The following NR1I3 variants were observed in gnomAD, a reference collection of about 807,000 sequenced individuals.
The protein encoded by NR1I3 is constitutive activator of retinoid response.
A neutral mutation model predicts 38.4 loss-of-function variants in NR1I3; 30 were observed. The ratio of observed to expected loss-of-function variants is 0.78; its 90% CI spans 0.58 to 1.06. NR1I3 has a LOEUF of 1.06. NR1I3 is among the 50% of genes least tolerant of loss of function. NR1I3 has a pLI of 0.00. For synonymous variants in NR1I3, 143 were observed against 165.1 expected (o/e 0.87, Z 1.03); for missense variants, 388 against 435.7 (o/e 0.89, Z 0.97).
intron 5 of NR1I3, among the ~76,000 whole-genome samples, chr1:161,232,047 C>G (rs1171721006): frequency 6.6e-6 from 1 of 151,160 alleles, no homozygotes; most frequent in African/African-American, 2.4e-5. Context: ...GATGTAGTGG[C>G]CTGATCTCGG....
At chr1:161,230,208 A>T (rs1415015361) in intron 8 of NR1I3, 7 of 422,002 alleles carry the variant, frequency 1.7e-5, no homozygotes, top group African/African-American at 1.2e-4. Context: ...AACTCCAACC[A>T]TGTGGAATCT....
rs538625865 is a variant in NR1I3, at chr1:161,231,114, C to T, written c.811+3G>A. 2.5e-6 allele frequency: 4 copies of T among 1,614,098 alleles called. No homozygotes were observed. The highest frequency in any genetic ancestry group is 1.3e-5 in the African/African-American group (1 of 74,998). Reference sequence around the variant, plus strand: ...AAGGCTCTGGGCTTTGGGAGGTGCTCACCAGGAGAGAAGAGGGCCATGGCA... The same window carrying T: ...AAGGCTCTGGGCTTTGGGAGGTGCTTACCAGGAGAGAAGAGGGCCATGGCA... On this transcript the variant is annotated splice_donor_region_variant and intron_variant, in intron 7 of 8. Transcript: ENST00000367983.
chr1:161,232,714 C>A (rs532291321), intron 5 of NR1I3, 93 bp downstream of exon 5: 3 of 1,251,914 alleles, frequency 2.4e-6, no homozygotes, highest in Middle Eastern at 1.9e-4. Context: ...GAAAGGCTGA[C>A]GCATGTGATA....
At chr1:161,235,780 A>C (rs111966689) in intron 3 of NR1I3, 67 bp downstream of exon 3, 1 of 1,603,008 alleles carries the variant, frequency 6.2e-7, no homozygotes, top group Non-Finnish European at 8.5e-7. Context: ...TAGAGAATGC[A>C]CTGTTGGGAA....
intron 3 of NR1I3, among the ~76,000 whole-genome samples, chr1:161,233,567 T>G (rs553469446): frequency 6.6e-6 from 1 of 151,998 alleles, no homozygotes; most frequent in Non-Finnish European, 1.5e-5. Flanking sequence ...AAAACTGCAC[T>G]GTGGGGGAGA....
chr1:161,233,707 A>G (rs2102157858), intron 3 of NR1I3, among the ~76,000 whole-genome samples: 1 of 152,162 alleles, frequency 6.6e-6, no homozygotes, highest in East Asian at 1.9e-4. Context: ...TAATCCTTCA[A>G]AAATAATCAA....
At chr1:161,232,497 C>G (rs1404051246) in intron 5 of NR1I3, among the ~76,000 whole-genome samples, 1 of 152,032 alleles carries the variant, frequency 6.6e-6, no homozygotes, top group African/African-American at 2.4e-5. Flanking sequence ...GGGGTTTTGT[C>G]ATGTTGCTGA....
At position 161,233,154 on chromosome 1, in the gene NR1I3, C is replaced by T. The variant is rs773650269; in HGVS notation, c.408+15G>A. 16 of 1,610,508 alleles carry T rather than the reference C, an allele frequency of 9.9e-6. No individual in the cohort carries two copies. The highest frequency in any genetic ancestry group is 1.4e-5 in the Non-Finnish European group (16 of 1,177,052). ...CTTTTAGTTGTATTCCAACCCAAATCCTGTCGGTGCTCACCCTAAACTGCA... is the reference window on the plus strand; with the variant it reads ...CTTTTAGTTGTATTCCAACCCAAATTCTGTCGGTGCTCACCCTAAACTGCA... On this transcript the variant is annotated intron_variant, in intron 4 of 8. Transcript: ENST00000367983.
Position 161,231,469 on chromosome 1 carries a change from A to G in NR1I3, c.554T>C (p.Leu185Pro). The G allele has an allele frequency of 1.3e-6, 2 of 1,577,050 alleles. No homozygotes were observed. The highest frequency in any genetic ancestry group is 1.2e-5 in the South Asian group (1 of 83,874). The change falls in exon 6 of 9, where the codon CTG becomes CCG. Residue 185 changes from leucine to proline, a missense_variant. Coordinates refer to ENST00000367983, the MANE Select transcript of NR1I3 (RefSeq NM_005122.5). ...FTKDLPVFRS[L>P]PIEDQISLLK... ...AAGGGAGATCTGGTCTTCAATGGGCAGGGAACTGTGGAAAGCAGGAAACAA... is the reference window on the plus strand; with the variant it reads ...AAGGGAGATCTGGTCTTCAATGGGCGGGGAACTGTGGAAAGCAGGAAACAA...
intron 6 of NR1I3, 21 bp from the exon 7 acceptor site, chr1:161,231,254 AG>A (rs759457562): frequency 3.0e-5 from 49 of 1,613,956 alleles, no homozygotes; most frequent in Middle Eastern, 3.3e-4. Flanking sequence ...TACTAGGATT[AG>A]GAGCCTCTAG....
chr1:161,233,919 G>A (rs867265810), intron 3 of NR1I3, among the ~76,000 whole-genome samples: 11 of 145,548 alleles, frequency 7.6e-5, no homozygotes, highest in Middle Eastern at 7.2e-3. Flanking sequence ...GTGTATATAT[G>A]TATATATATG....
In NR1I3 at chr1:161,238,061, G is replaced by A. The variant is rs934657068; in HGVS notation, c.-54C>T. ...CCTACCTGCTTCTCTTAGGCAGCAT[G>A]TCACCTGCAGGCCACAGAATCTGGT... On this transcript the variant is annotated 5_prime_UTR_variant, in exon 1 of 9. Coordinates refer to ENST00000367983, the MANE Select transcript of NR1I3 (RefSeq NM_005122.5). 8.7e-6 allele frequency: 14 copies of A among 1,613,824 alleles called. No individual in the cohort carries two copies. In the African/African-American group the frequency reaches 1.5e-4, roughly 17 times the overall value.
rs1668929808 is a variant in NR1I3, at chr1:161,237,990, A to AT, written c.-34+50dup. The AT allele has an allele frequency of 1.9e-6, 3 of 1,544,006 alleles. No homozygotes were observed. In the East Asian group the frequency reaches 6.8e-5, roughly 35 times the overall value. ...TGAGCCACTATGCCTAGCCCCCAGCATTATCTGTATTTTATTACATTTAGT... is the reference window on the plus strand; with the variant it reads ...TGAGCCACTATGCCTAGCCCCCAGCATTTATCTGTATTTTATTACATTTAGT... On this transcript the variant is annotated intron_variant, in intron 1 of 8. Transcript: ENST00000367983.
At position 161,232,869 on chromosome 1, in the gene NR1I3, T is replaced by A. The variant is rs777632204; in HGVS notation, c.486A>T (p.Ala162=). 72 of 1,614,104 alleles carry A rather than the reference T, an allele frequency of 4.5e-5. No homozygotes were observed. In the East Asian group the frequency reaches 6.2e-4, roughly 14 times the overall value. Residue 162 remains alanine, a synonymous_variant, in exon 5 of 9, where the codon GCA becomes GCT. Coordinates refer to ENST00000367983, the MANE Select transcript of NR1I3 (RefSeq NM_005122.5). ...GCAGTACCATGAAAGTGTTGATGTC[T>A]GCGAAGTGTGTGACCAGAGGCAGCA... ...APVLPLVTHF[A]DINTFMVLQV...
chr1:161,237,105 A>C (rs1210713424), intron 1 of NR1I3, among the ~76,000 whole-genome samples: 1 of 150,950 alleles, frequency 6.6e-6, no homozygotes, highest in Non-Finnish European at 1.5e-5. Context: ...TCCTGCCTCA[A>C]CCTCCTGAGT....
At chr1:161,231,711 A>G (rs567928470) in intron 5 of NR1I3, among the ~76,000 whole-genome samples, 72 of 152,308 alleles carry the variant, frequency 4.7e-4, no homozygotes, top group African/African-American at 1.7e-3. Context: ...CATGTTGGCC[A>G]GGCTGGTCTC....
intron 1 of NR1I3, among the ~76,000 whole-genome samples, chr1:161,237,634 C>T (rs1421371742): frequency 6.6e-6 from 1 of 151,832 alleles, no homozygotes; most frequent in Non-Finnish European, 1.5e-5. Context: ...AGGAGAATCG[C>T]TTCAACCTGG....
chr1:161,231,079 G>A (rs1194328178), intron 7 of NR1I3, 38 bp downstream of exon 7: 1 of 1,614,098 alleles, frequency 6.2e-7, no homozygotes, highest in Non-Finnish European at 8.5e-7. Context: ...GGGCAGAGGT[G>A]GTGCAGCAAA....
At chr1:161,230,667 G>C in intron 8 of NR1I3, 146 bp downstream of exon 8, 1 of 989,686 alleles carries the variant, frequency 1.0e-6, no homozygotes, top group African/African-American at 1.6e-5. Flanking sequence ...ATGTGAGACA[G>C]GGATGGCCAG....
Sources: allele counts gnomAD v4.1 joint callset (sites outside exome capture counted in the v4.1 genomes callset), GRCh38; gene constraint gnomAD v4.1.1; transcripts MANE v1.5; gene names NCBI Gene and HGNC (gene_info 2026-07-23, HGNC 2026-07-21).